The following KANK1 variants were observed in gnomAD, a reference collection of about 807,000 sequenced individuals.
The protein encoded by KANK1 is KN motif and ankyrin repeat domains 1.
Under a neutral mutation model 106.2 loss-of-function variants are expected in KANK1, and 109 were observed. The observed-to-expected ratio is 1.03, with a 90% CI of 0.88 to 1.20. The LOEUF (loss-of-function observed/expected upper bound fraction) is 1.20. Ranked by LOEUF, KANK1 falls within the 50% of genes most tolerant of loss-of-function variation. The pLI is 0.00. For missense variants in KANK1, 2,399 were observed against 1,710.7 expected, an observed-to-expected ratio of 1.40 and a Z score of -7.10; for synonymous variants, 873 against 652.2, an observed-to-expected ratio of 1.34 and a Z score of -5.16.
At chr9:726,162 A>T (rs58887252) in intron 3 of KANK1, among the ~76,000 whole-genome samples, 11,409 of 152,138 alleles carry the variant, frequency 0.075, 1,000 homozygotes, top group African/African-American at 0.2. Context: ...GAGTCAAACA[A>T]AAGACTTCAG....
intron 1 of KANK1, among the ~76,000 whole-genome samples, chr9:558,116 T>C (rs1407646589): frequency 6.6e-6 from 1 of 152,144 alleles, no homozygotes; most frequent in East Asian, 1.9e-4. Flanking sequence ...CAGTGTAGAA[T>C]GGGCAGGCAC....
chr9:731,311 T>C, intron 5 of KANK1, 45 bp downstream of exon 5: 1 of 1,149,566 alleles, frequency 8.7e-7, no homozygotes, highest in Non-Finnish European at 1.3e-6. Flanking sequence ...GTCAGTCTCC[T>C]TTACCTCCTG....
At chr9:475,452 A>C (rs975520347) in intron 3 of KANK1, among the ~76,000 whole-genome samples, 1 of 151,224 alleles carries the variant, frequency 6.6e-6, no homozygotes, top group Non-Finnish European at 1.5e-5. Flanking sequence ...CCCTCTTCCA[A>C]ATATACTCTA....
At chr9:720,164 A>G (rs1297391650) in intron 3 of KANK1, among the ~76,000 whole-genome samples, 1 of 152,092 alleles carries the variant, frequency 6.6e-6, no homozygotes, top group South Asian at 2.1e-4. Flanking sequence ...CTCATGCTTT[A>G]TTGGTGTTTA....
At chr9:508,769 T>A (rs2058893101) in intron 1 of KANK1, among the ~76,000 whole-genome samples, 1 of 146,370 alleles carries the variant, frequency 6.8e-6, no homozygotes, top group Non-Finnish European at 1.5e-5. Flanking sequence ...ATTGTATGAC[T>A]ACAATTTATC....
chr9:731,291 G>T (rs1832183736), intron 5 of KANK1, 25 bp downstream of exon 5: 6 of 1,372,236 alleles, frequency 4.4e-6, no homozygotes, highest in Non-Finnish European at 6.2e-6. Context: ...TGGTTCTAGA[G>T]GCTAATGCTG....
intron 2 of KANK1, among the ~76,000 whole-genome samples, chr9:471,177 T>G (rs1053045673): frequency 6.6e-6 from 1 of 152,200 alleles, no homozygotes; most frequent in Non-Finnish European, 1.5e-5. Context: ...ATCTCTTCCA[T>G]CTGATGGACT....
At chr9:671,005 C>A (rs1346920083) in intron 1 of KANK1, among the ~76,000 whole-genome samples, 1 of 134,614 alleles carries the variant, frequency 7.4e-6, no homozygotes, top group Admixed American at 8.4e-5. Context: ...AGGAACTGAC[C>A]GATTCTCTTT....
chr9:557,862 G>C (rs1296002682), intron 1 of KANK1, among the ~76,000 whole-genome samples: 1 of 152,182 alleles, frequency 6.6e-6, no homozygotes, highest in Non-Finnish European at 1.5e-5. Flanking sequence ...TAAATTAGCT[G>C]GGCATGGTGG....
At chr9:690,293 G>C (rs1359771958) in intron 2 of KANK1, among the ~76,000 whole-genome samples, 1 of 146,184 alleles carries the variant, frequency 6.8e-6, no homozygotes, top group East Asian at 2.0e-4. Context: ...GTGACGGAGC[G>C]AGACTCTGTC....
chr9:656,057 C>G (rs992270458), intron 1 of KANK1, among the ~76,000 whole-genome samples: 2 of 152,196 alleles, frequency 1.3e-5, no homozygotes, highest in African/African-American at 2.4e-5. Context: ...GTTGCAGGAG[C>G]TAGTCACTTT....
intron 1 of KANK1, among the ~76,000 whole-genome samples, chr9:657,686 C>T (rs1842450352): frequency 6.6e-6 from 1 of 152,054 alleles, no homozygotes; most frequent in Non-Finnish European, 1.5e-5. Context: ...TAACCATTTT[C>T]AGGTGAGGTG....
chr9:584,063 A>C (rs1278814168), intron 1 of KANK1, among the ~76,000 whole-genome samples: 1 of 152,178 alleles, frequency 6.6e-6, no homozygotes, highest in Non-Finnish European at 1.5e-5. Flanking sequence ...TATCCCAGGC[A>C]AATACTTGAT....
At chr9:737,665 T>A (rs143673620) in intron 7 of KANK1, among the ~76,000 whole-genome samples, 17 of 152,298 alleles carry the variant, frequency 1.1e-4, no homozygotes, top group African/African-American at 4.1e-4. Context: ...TTTCCGTGGT[T>A]GAACAGTTGT....
At chr9:553,395 A>C (rs2061394454) in intron 1 of KANK1, among the ~76,000 whole-genome samples, 1 of 152,136 alleles carries the variant, frequency 6.6e-6, no homozygotes, top group Non-Finnish European at 1.5e-5. Context: ...TGAGGGGTAT[A>C]CTGTGATTTT....
chr9:731,366 C>G, intron 5 of KANK1, 100 bp downstream of exon 5: 1 of 636,846 alleles, frequency 1.6e-6, no homozygotes. Context: ...GCGGCCACAG[C>G]GCAGTGATGA....
intron 1 of KANK1, among the ~76,000 whole-genome samples, chr9:624,323 T>C (rs1450588559): frequency 1.3e-5 from 2 of 152,154 alleles, no homozygotes; most frequent in Non-Finnish European, 2.9e-5. Context: ...GTCTTTTCCC[T>C]CTCCATGCAG....
intron 1 of KANK1, among the ~76,000 whole-genome samples, chr9:533,826 C>T (rs2060173408): frequency 6.6e-6 from 1 of 152,184 alleles, no homozygotes; most frequent in Non-Finnish European, 1.5e-5. Context: ...TTGTTTTCAG[C>T]AGCTAAGTTC....
chr9:738,395 A>T lies in KANK1; in HGVS notation c.3444A>T (p.Pro1148=), dbSNP rs1396657917. The T allele has an allele frequency of 1.2e-6, 2 of 1,613,998 alleles. No individual in the cohort carries two copies. Among genetic ancestry groups the T allele is most frequent in the African/African-American group, 2.7e-5 (2 of 74,888 alleles). The change falls in exon 8 of 12, where the codon CCA becomes CCT. Residue 1148 remains proline, a synonymous_variant. Coordinates refer to ENST00000382297, the MANE Select transcript of KANK1 (RefSeq NM_015158.5). ...DYIAAFEAIS[P]DVLRYVINLA... is the part of the protein sequence containing the mutation. Reference sequence around the variant, plus strand: ...TAGCTGCTTTTGAGGCCATTTCCCCAGATGTCCTCCGCTATGTCATCAACT... The same window carrying T: ...TAGCTGCTTTTGAGGCCATTTCCCCTGATGTCCTCCGCTATGTCATCAACT...
Sources: gnomAD v4.1 joint callset for allele counts (sites outside exome capture counted in the v4.1 genomes callset) on GRCh38, gnomAD v4.1.1 for gene constraint, MANE v1.5 for transcripts, NCBI Gene and HGNC (gene_info 2026-07-23, HGNC 2026-07-21) for gene names.